DONSON: variants seen among roughly 807,000 people sequenced by gnomAD.
DONSON encodes DNA replication fork stabilization factor DONSON, also known as protein downstream neighbor of Son.
Under a neutral mutation model 62.1 loss-of-function variants are expected in DONSON, and 43 were observed. The ratio of observed to expected loss-of-function variants is 0.69; its 90% CI spans 0.54 to 0.89. DONSON has a LOEUF of 0.89. Ranked by LOEUF, DONSON falls within the 40% of genes least tolerant of loss-of-function variation. The pLI is 0.00. For synonymous variants in DONSON, 266 were observed against 264.6 expected, an observed-to-expected ratio of 1.01 and a Z score of -0.05; for missense variants, 696 against 697.5, an observed-to-expected ratio of 1.00 and a Z score of 0.03.
At chr21:33,588,176 G>T in intron 1 of DONSON, 145 bp downstream of exon 1, 1 of 610,704 alleles carries the variant, frequency 1.6e-6, no homozygotes, top group Non-Finnish European at 2.4e-6. Flanking sequence ...GGCTCCCAGG[G>T]CGGGGTACCC....
chr21:33,587,410 T>A, intron 2 of DONSON, 112 bp downstream of exon 2: 1 of 1,409,196 alleles, frequency 7.1e-7, no homozygotes, highest in Non-Finnish European at 9.2e-7. Flanking sequence ...AAAACTACTT[T>A]CCAAGCAAAA....
chr21:33,583,378 C>T (rs758554499), intron 5 of DONSON, 110 bp downstream of exon 5: 3 of 847,492 alleles, frequency 3.5e-6, no homozygotes, highest in Non-Finnish European at 5.2e-6. Context: ...TAATATATTT[C>T]TTAATGTTGC....
chr21:33,579,241 GTT>G (rs1420149241), intron 9 of DONSON, 107 bp downstream of exon 9: 1 of 767,442 alleles, frequency 1.3e-6, no homozygotes, highest in African/African-American at 1.7e-5. Flanking sequence ...TTAAGTAACA[GTT>G]TAATTACTTG....
intron 3 of DONSON, among the ~76,000 whole-genome samples, chr21:33,584,982 G>A (rs760639235): frequency 6.6e-6 from 1 of 152,020 alleles, no homozygotes; most frequent in Admixed American, 6.6e-5. Flanking sequence ...AACATAGATG[G>A]GAACATTTTC....
rs571040026 is a variant in DONSON, at chr21:33,578,106, A to AT, written c.*200dup. The AT allele has an allele frequency of 5.1e-5, 27 of 534,242 alleles. No homozygotes were observed. The highest frequency in any genetic ancestry group is 8.4e-5 in the Non-Finnish European group (26 of 311,078). The allele number at this position is 534,242 out of a possible 1,614,324, so 33.1% of individuals were successfully genotyped here. On this transcript the variant is annotated 3_prime_UTR_variant, in exon 10 of 10. Transcript: ENST00000303071. ...TAGGTTGTAGGGATATAGATATCTCATTTGAGTTATCTGAGTTTTTCATCT... is the reference window on the plus strand; with the variant it reads ...TAGGTTGTAGGGATATAGATATCTCATTTTGAGTTATCTGAGTTTTTCATCT...
intron 5 of DONSON, among the ~76,000 whole-genome samples, chr21:33,583,071 G>A (rs2086532162): frequency 6.6e-6 from 1 of 151,554 alleles, no homozygotes; most frequent in Non-Finnish European, 1.5e-5. Context: ...CATGGTTGCA[G>A]GCACCTGTAG....
At chr21:33,583,840 A>G (rs1366500163) in intron 4 of DONSON, among the ~76,000 whole-genome samples, 174 bp from the exon 5 acceptor site, 2 of 151,974 alleles carry the variant, frequency 1.3e-5, no homozygotes, top group Non-Finnish European at 1.5e-5. Context: ...ATTGGTTATG[A>G]GGACTCGCTG....
chr21:33,588,116 G>C (rs1197836830), intron 1 of DONSON, among the ~76,000 whole-genome samples: 1 of 152,220 alleles, frequency 6.6e-6, no homozygotes, highest in East Asian at 1.9e-4. Context: ...GCCCGCAGCG[G>C]GGTAGCCAGG....
At chr21:33,587,449 A>T (rs2086590032) in intron 2 of DONSON, 73 bp downstream of exon 2, 4 of 1,477,558 alleles carry the variant, frequency 2.7e-6, no homozygotes, top group Non-Finnish European at 2.7e-6. Flanking sequence ...ATGTATTTTT[A>T]AAAATAGGCT....
In DONSON at chr21:33,581,228, T is replaced by A. The variant is rs896668168; in HGVS notation, c.1350+74A>T. On this transcript the variant is annotated intron_variant, in intron 8 of 9. Coordinates refer to ENST00000303071, the MANE Select transcript of DONSON (RefSeq NM_017613.4). ...TACCAAGTAAAAATGCTAGGAGGTTTTTTTTTAAATCAAGAATTTATCCTA... is the reference window on the plus strand; with the variant it reads ...TACCAAGTAAAAATGCTAGGAGGTTATTTTTTAAATCAAGAATTTATCCTA... The A allele has an allele frequency of 5.0e-6, 7 of 1,397,644 alleles. No individual in the cohort carries two copies. The African/African-American group carries it at 1.0e-4, about 20-fold the overall frequency. The allele number at this position is 1,397,644 out of a possible 1,614,324, so 86.6% of individuals were successfully genotyped here.
rs1393861776 is a variant in DONSON, at chr21:33,587,572, G to C, written c.352C>G (p.Leu118Val). ...FLDSNQENDL[L>V]WEEKFPERTT... ...CTTTCAGGAAACTTCTCTTCCCATA[G>C]CAAATCATTTTCTTGATTAGAATCT... Residue 118 changes from leucine (L) to valine (V), a missense_variant, in exon 2 of 10, where the codon CTA (leucine) becomes GTA (valine). Coordinates refer to ENST00000303071, the MANE Select transcript of DONSON (RefSeq NM_017613.4). 3 of 1,596,858 alleles carry C rather than the reference G, an allele frequency of 1.9e-6. No individual in the cohort carries two copies. The highest frequency in any genetic ancestry group is 1.8e-5 in the Admixed American group (1 of 55,196).
chr21:33,583,875 T>C (rs1569076268), intron 4 of DONSON, among the ~76,000 whole-genome samples: 1 of 151,882 alleles, frequency 6.6e-6, no homozygotes, highest in Non-Finnish European at 1.5e-5. Context: ...CTTTAACAAA[T>C]AGTGTATACC....
At chr21:33,582,294 A>G in intron 5 of DONSON, 48 bp from the exon 6 acceptor site, 4 of 1,447,934 alleles carry the variant, frequency 2.8e-6, no homozygotes, top group Non-Finnish European at 3.8e-6. Context: ...AAAGTATTTA[A>G]CAGGCATGCT....
In DONSON at chr21:33,586,034, G is replaced by T; in HGVS notation, c.550C>A (p.Gln184Lys). 1 of 1,614,192 alleles carries T rather than the reference G, an allele frequency of 6.2e-7. No homozygotes were observed. The highest frequency in any genetic ancestry group is 1.3e-5 in the African/African-American group (1 of 75,054). ...GCCCTACAATGCTGGACAAGACCTT[G>T]AGCTTCTTCCTGTGCTTTCAAATGA... is the stretch of plus-strand genomic sequence containing the variant. ...ADHLKAQEEA[Q>K]GLVQHCRATE... The change falls in exon 3 of 10, where the codon CAA becomes AAA. Residue 184 changes from glutamine to lysine, a missense_variant. Gln to Lys is a moderately conservative substitution (Grantham distance 53, BLOSUM62 1). Coordinates refer to ENST00000303071, the MANE Select transcript of DONSON (RefSeq NM_017613.4).
At chr21:33,580,032 T>C (rs931085982) in intron 8 of DONSON, among the ~76,000 whole-genome samples, 62 of 147,490 alleles carry the variant, frequency 4.2e-4, no homozygotes, top group Non-Finnish European at 1.5e-4. Context: ...TCGTCTCTAT[T>C]AAAAATACAA....
intron 2 of DONSON, chr21:33,587,205 G>T: frequency 3.7e-6 from 1 of 271,202 alleles, no homozygotes; most frequent in African/African-American, 2.3e-5. Flanking sequence ...CTGGCTCTGA[G>T]TGATGAACTG....
At chr21:33,588,178 G>A in intron 1 of DONSON, 143 bp downstream of exon 1, 2 of 623,038 alleles carry the variant, frequency 3.2e-6, no homozygotes, top group Non-Finnish European at 4.6e-6. Context: ...CTCCCAGGGC[G>A]GGGTACCCTA....
chr21:33,588,465 A>G lies in DONSON; in HGVS notation c.177T>C (p.Pro59=). 1 of 1,292,696 alleles carries G rather than the reference A, an allele frequency of 7.7e-7. No individual in the cohort carries two copies. Among genetic ancestry groups the G allele is most frequent in the Non-Finnish European group, 9.8e-7 (1 of 1,021,950 alleles). The allele number at this position is 1,292,696 out of a possible 1,614,324, so 80.1% of individuals were successfully genotyped here. The change falls in exon 1 of 10, where the codon CCT becomes CCC. Residue 59 remains proline (P), a synonymous_variant. Transcript: ENST00000303071. ...TGCCACCGCCTCTGCCCCCCGCAGC[A>G]GGGAAAGGGCGAAGAGGCAGCCCCG... ...LVAGLPLRPF[P]AAGGRGGGSG...
intron 4 of DONSON, among the ~76,000 whole-genome samples, 171 bp downstream of exon 4, chr21:33,584,417 TAA>T (rs762498161): frequency 2.9e-5 from 4 of 135,752 alleles, no homozygotes; most frequent in African/African-American, 5.4e-5. Flanking sequence ...GAGTAACAGC[TAA>T]AAAAAAAAAA....
Sources: gnomAD v4.1 joint callset for allele counts (sites outside exome capture counted in the v4.1 genomes callset) on GRCh38, gnomAD v4.1.1 for gene constraint, MANE v1.5 for transcripts, NCBI Gene and HGNC (gene_info 2026-07-23, HGNC 2026-07-21) for gene names.